The following HS6ST2 variants were observed in gnomAD, a reference collection of about 807,000 sequenced individuals.
HS6ST2 encodes the protein heparan sulfate 6-O-sulfotransferase 2.
Under a neutral mutation model 33.0 loss-of-function variants are expected in HS6ST2, and 17 were observed. The ratio of observed to expected loss-of-function variants is 0.52; its 90% CI spans 0.35 to 0.77. The LOEUF (loss-of-function observed/expected upper bound fraction) is 0.77. HS6ST2 is among the 30% of genes least tolerant of loss of function. The pLI, the probability that HS6ST2 is intolerant of heterozygous loss-of-function variation, is 0.01. For synonymous variants in HS6ST2, 248 were observed against 237.1 expected (o/e 1.05, Z -0.42); for missense variants, 519 against 551.7 (o/e 0.94, Z 0.59).
At chrX:132,795,612 C>A (rs986485910) in intron 2 of HS6ST2, among the ~76,000 whole-genome samples, 3 of 110,017 alleles carry the variant, frequency 2.7e-5, no homozygotes, top group Non-Finnish European at 5.7e-5. Context: ...TCACAGAGAC[C>A]TTTTTTTTTA....
chrX:132,761,788 G>A (rs957914568), intron 2 of HS6ST2, among the ~76,000 whole-genome samples: 23 of 111,794 alleles, frequency 2.1e-4, no homozygotes, highest in Non-Finnish European at 4.0e-4. Flanking sequence ...AGAAATGGCC[G>A]AGAAATGTGT....
chrX:132,901,972 T>C (rs2066429823), intron 2 of HS6ST2, among the ~76,000 whole-genome samples: 1 of 110,987 alleles, frequency 9.0e-6, no homozygotes, highest in South Asian at 3.9e-4. Flanking sequence ...AGATTTAATG[T>C]TGTTGAAGGA....
At chrX:132,922,915 T>C (rs931786177) in intron 2 of HS6ST2, among the ~76,000 whole-genome samples, 4 of 109,981 alleles carry the variant, frequency 3.6e-5, no homozygotes, top group Non-Finnish European at 7.6e-5. Flanking sequence ...ATACAAAAAT[T>C]AGCCGGGCGT....
chrX:132,813,563 G>A (rs5977760), intron 2 of HS6ST2, among the ~76,000 whole-genome samples: 4,265 of 111,274 alleles, frequency 0.038, 109 homozygotes, highest in Non-Finnish European at 0.056. Context: ...TTTCTAAACC[G>A]ATGCCCAGGC....
At chrX:132,914,691 G>A (rs759793817) in intron 2 of HS6ST2, among the ~76,000 whole-genome samples, 3 of 111,736 alleles carry the variant, frequency 2.7e-5, no homozygotes, top group African/African-American at 9.7e-5. Flanking sequence ...TGACCTGGGG[G>A]GCACAAGGCC....
intron 2 of HS6ST2, among the ~76,000 whole-genome samples, chrX:132,897,600 T>C (rs1602837493): frequency 9.0e-6 from 1 of 111,311 alleles, no homozygotes; most frequent in East Asian, 2.9e-4. Context: ...ACTGAATAAA[T>C]GGTAACTTTT....
At position 132,891,337 on chromosome X, in the gene HS6ST2, CA is replaced by C. The variant is rs35709493; in HGVS notation, c.947+65470del. Among the ~76,000 whole-genome samples the C allele has an allele frequency of 9.0e-3, 676 of 75,027 alleles. 5 individuals are homozygous for C. The highest frequency in any genetic ancestry group is 0.029 in the African/African-American group (619 of 21,377). The allele number at this position is 75,027 out of a possible 115,157, so 65.2% of individuals were successfully genotyped here. ...CAGGTTTCCTTATCCAAATGTTTAC[CA>C]AAAAAAAAAAAATGTTAACTGAAAG... On this transcript the variant is annotated intron_variant, in intron 2 of 4. Coordinates refer to ENST00000370833, the MANE Select transcript of HS6ST2 (RefSeq NM_001394073.1).
At chrX:132,875,171 G>C (rs1003259086) in intron 2 of HS6ST2, among the ~76,000 whole-genome samples, 5 of 112,058 alleles carry the variant, frequency 4.5e-5, no homozygotes, top group African/African-American at 1.6e-4. Flanking sequence ...AGTTCAGATT[G>C]GAGACTATGG....
intron 3 of HS6ST2, among the ~76,000 whole-genome samples, chrX:132,670,695 C>T (rs1017497730): frequency 3.6e-5 from 4 of 112,380 alleles, no homozygotes; most frequent in Non-Finnish European, 5.6e-5. Context: ...CGTCTGTAAT[C>T]CCAGCTACTT....
At chrX:132,787,898 A>C (rs1371712849) in intron 2 of HS6ST2, among the ~76,000 whole-genome samples, 2 of 110,538 alleles carry the variant, frequency 1.8e-5, no homozygotes, top group African/African-American at 6.6e-5. Flanking sequence ...CTCAAAAAAA[A>C]AAAAGAGGTA....
intron 3 of HS6ST2, chrX:132,669,509 A>T (rs201497873): frequency 1.1e-4 from 4 of 36,705 alleles, no homozygotes; most frequent in East Asian, 6.6e-4. Context: ...CTCTAGTTTT[A>T]AAAAAAAAAG....
intron 2 of HS6ST2, among the ~76,000 whole-genome samples, chrX:132,756,270 C>G (rs1006930450): frequency 1.8e-5 from 2 of 111,879 alleles, no homozygotes; most frequent in African/African-American, 3.3e-5. Context: ...GAATCTGGGT[C>G]TTTAAAGATG....
chrX:132,887,932 G>A (rs1157669154), intron 2 of HS6ST2, among the ~76,000 whole-genome samples: 1 of 111,930 alleles, frequency 8.9e-6, no homozygotes, highest in East Asian at 2.8e-4. Flanking sequence ...CTCCATTTAT[G>A]TGAATGTCAA....
chrX:132,730,368 C>T (rs1460320874), intron 2 of HS6ST2, among the ~76,000 whole-genome samples: 1 of 111,828 alleles, frequency 8.9e-6, no homozygotes, highest in African/African-American at 3.3e-5. Context: ...TTTGCTAAAG[C>T]GACAAGGAAA....
At chrX:132,756,164 A>G (rs2064754822) in intron 2 of HS6ST2, among the ~76,000 whole-genome samples, 1 of 112,398 alleles carries the variant, frequency 8.9e-6, no homozygotes, top group African/African-American at 3.2e-5. Context: ...ACATACTCCA[A>G]AATGATCATC....
At chrX:132,882,405 C>T (rs1395745287) in intron 2 of HS6ST2, among the ~76,000 whole-genome samples, 3 of 106,650 alleles carry the variant, frequency 2.8e-5, no homozygotes, top group African/African-American at 6.9e-5. Flanking sequence ...TGGGAGTTCA[C>T]TCATGATTTG....
chrX:132,701,805 T>C (rs1450353438), intron 3 of HS6ST2, among the ~76,000 whole-genome samples: 1 of 112,256 alleles, frequency 8.9e-6, no homozygotes, highest in East Asian at 2.8e-4. Flanking sequence ...CCTAACTCAC[T>C]AGCAAGCAAC....
chrX:132,897,131 C>T (rs757573914), intron 2 of HS6ST2, among the ~76,000 whole-genome samples: 1 of 110,689 alleles, frequency 9.0e-6, no homozygotes, highest in Non-Finnish European at 1.9e-5. Context: ...AAGGAAGCAA[C>T]ATGACAAAAC....
At chrX:132,871,713 A>G (rs954501694) in intron 2 of HS6ST2, among the ~76,000 whole-genome samples, 2 of 108,519 alleles carry the variant, frequency 1.8e-5, no homozygotes, top group Admixed American at 2.0e-4. Context: ...CTCACTCATA[A>G]ATGGGAGGTG....
Sources: allele counts gnomAD v4.1 joint callset (sites outside exome capture counted in the v4.1 genomes callset), GRCh38; gene constraint gnomAD v4.1.1; transcripts MANE v1.5; gene names NCBI Gene and HGNC (gene_info 2026-07-23, HGNC 2026-07-21).